Variants in AGBL1 observed in about 807,000 individuals in gnomAD.
AGBL1 encodes AGBL carboxypeptidase 1, also known as cytosolic carboxypeptidase 4.
A neutral mutation model predicts 118.9 loss-of-function variants in AGBL1; 130 were observed. The ratio of observed to expected loss-of-function variants is 1.09; its 90% CI spans 0.95 to 1.26. The LOEUF is 1.26. AGBL1 is among the 50% of genes most tolerant of loss of function. AGBL1 has a pLI of 0.00. For missense variants in AGBL1, 1,584 were observed against 1,298.1 expected (o/e 1.22, Z -3.38); for synonymous variants, 555 against 478.9 (o/e 1.16, Z -2.08).
At chr15:86,103,621 T>A (rs116942231) in intron 1 of AGBL1, among the ~76,000 whole-genome samples, 1,789 of 152,140 alleles carry the variant, frequency 0.012, 15 homozygotes, top group Middle Eastern at 0.051. Flanking sequence ...CTGTAAACAG[T>A]GTTAGTGGTG....
chr15:86,262,820 C>A lies in AGBL1; in HGVS notation c.1012C>A (p.Pro338Thr). The change falls in exon 10 of 23, where the codon CCT (proline) becomes ACT (threonine). Residue 338 changes from proline to threonine, a missense_variant. By Grantham distance (38) the Pro-to-Thr change is conservative. Coordinates refer to ENST00000614907, the MANE Select transcript of AGBL1 (RefSeq NM_001386094.1). Reference sequence around the variant, plus strand: ...AGACGTGAACAAGCTGAGTTCCAAACCTGGTCTTGACCGACCTGAAGAGGA... The same window carrying A: ...AGACGTGAACAAGCTGAGTTCCAAAACTGGTCTTGACCGACCTGAAGAGGA... ...ETDVNKLSSK[P>T]GLDRPEEELM... is the part of the protein sequence containing the mutation. The A allele has an allele frequency of 1.2e-6, 2 of 1,611,208 alleles. No individual in the cohort carries two copies. Among genetic ancestry groups the A allele is most frequent in the South Asian group, 2.2e-5 (2 of 90,022 alleles).
intron 17 of AGBL1, among the ~76,000 whole-genome samples, chr15:86,373,566 G>A (rs189153345): frequency 6.6e-6 from 1 of 152,328 alleles, no homozygotes; most frequent in East Asian, 1.9e-4. Flanking sequence ...CAGTGGCCAG[G>A]AGTCCAGGGA....
intron 9 of AGBL1, among the ~76,000 whole-genome samples, chr15:86,262,078 C>CTTTTGTTTTTTTTT (rs2078997356): frequency 1.9e-5 from 1 of 52,768 alleles, no homozygotes; most frequent in East Asian, 1.0e-3. Flanking sequence ...GCATAGCTGG[C>CTTTTGTTTTTTTTT]TTTTTTTTTT....
chr15:86,978,659 C>G (rs1355410382), intron 23 of AGBL1, among the ~76,000 whole-genome samples: 4 of 152,126 alleles, frequency 2.6e-5, no homozygotes, highest in Non-Finnish European at 5.9e-5. Flanking sequence ...CTGAAGCCCT[C>G]AGAATCAGAT....
In AGBL1 at chr15:86,724,235, C is replaced by CAAAAAAA. The variant is rs1204898095; in HGVS notation, c.3158+49812_3158+49818dup. Reference sequence around the variant, plus strand: ...TGGATGACAGAGTGAGACTCCATCTCAAAAAAAAAAAAAAAAAAAGAAGGT... The same window carrying CAAAAAAA: ...TGGATGACAGAGTGAGACTCCATCTCAAAAAAAAAAAAAAAAAAAAAAAAAAGAAGGT... On this transcript the variant is annotated intron_variant, in intron 22 of 22. Coordinates refer to ENST00000614907, the MANE Select transcript of AGBL1 (RefSeq NM_001386094.1). Among the ~76,000 whole-genome samples the CAAAAAAA allele has an allele frequency of 1.1e-3, 82 of 73,570 alleles. 2 individuals are homozygous for CAAAAAAA. The highest frequency in any genetic ancestry group is 4.4e-3 in the South Asian group (7 of 1,582). The allele number at this position is 73,570 out of a possible 152,430, so 48.3% of individuals were successfully genotyped here.
chr15:86,345,890 A>G (rs2080528404), intron 17 of AGBL1, among the ~76,000 whole-genome samples: 1 of 152,046 alleles, frequency 6.6e-6, no homozygotes, highest in Non-Finnish European at 1.5e-5. Context: ...GTTATTTACC[A>G]TCCTTACTCC....
chr15:86,796,407 C>T (rs2078571966), intron 22 of AGBL1, among the ~76,000 whole-genome samples: 1 of 152,202 alleles, frequency 6.6e-6, no homozygotes, highest in Non-Finnish European at 1.5e-5. Flanking sequence ...TCAATCTATT[C>T]TTTGGCATCA....
intron 24 of AGBL1, among the ~76,000 whole-genome samples, chr15:86,993,331 A>G (rs2081350790): frequency 6.6e-6 from 1 of 152,200 alleles, no homozygotes. Flanking sequence ...CTTCTATTGA[A>G]TACCAACTAT....
chr15:86,614,147 G>T (rs965693284), intron 21 of AGBL1, among the ~76,000 whole-genome samples: 4 of 152,176 alleles, frequency 2.6e-5, no homozygotes, highest in African/African-American at 9.7e-5. Flanking sequence ...ACTCTGCCAG[G>T]CACTGGGAAT....
At chr15:86,181,351 A>C (rs559906316) in intron 5 of AGBL1, among the ~76,000 whole-genome samples, 1 of 152,216 alleles carries the variant, frequency 6.6e-6, no homozygotes, top group South Asian at 2.1e-4. Flanking sequence ...AAAATTATTG[A>C]TATATGCTGC....
chr15:86,100,352 T>C (rs1896638015), intron 1 of AGBL1, among the ~76,000 whole-genome samples: 1 of 152,170 alleles, frequency 6.6e-6, no homozygotes, highest in Non-Finnish European at 1.5e-5. Flanking sequence ...TAGAATGAAT[T>C]AGGGAGAATT....
At chr15:86,156,890 A>G (rs2077200171) in intron 4 of AGBL1, among the ~76,000 whole-genome samples, 1 of 151,056 alleles carries the variant, frequency 6.6e-6, no homozygotes, top group Non-Finnish European at 1.5e-5. Context: ...CCTGGGTTCA[A>G]ATGATTCTCG....
At chr15:86,286,875 C>A (rs1188161868) in intron 16 of AGBL1, among the ~76,000 whole-genome samples, 1 of 151,414 alleles carries the variant, frequency 6.6e-6, no homozygotes, top group South Asian at 2.1e-4. Context: ...TGGATATATA[C>A]CCAGAAGTGA....
intron 22 of AGBL1, among the ~76,000 whole-genome samples, chr15:86,845,995 T>C (rs2079311985): frequency 6.6e-6 from 1 of 152,218 alleles, no homozygotes; most frequent in Admixed American, 6.5e-5. Flanking sequence ...GACACATGCC[T>C]GAGACTGTCT....
At chr15:86,750,460 A>T (rs1401361894) in intron 22 of AGBL1, among the ~76,000 whole-genome samples, 3 of 151,896 alleles carry the variant, frequency 2.0e-5, no homozygotes, top group Non-Finnish European at 4.4e-5. Context: ...TAGCTGTGTA[A>T]TCTTTTGTCT....
At chr15:86,128,203 G>T (rs370076737) in intron 1 of AGBL1, among the ~76,000 whole-genome samples, 1 of 152,008 alleles carries the variant, frequency 6.6e-6, no homozygotes, top group South Asian at 2.1e-4. Context: ...TGGCTGGGGA[G>T]TCTTCACACT....
At chr15:86,193,933 G>T (rs1263556903) in intron 5 of AGBL1, among the ~76,000 whole-genome samples, 2 of 152,220 alleles carry the variant, frequency 1.3e-5, no homozygotes, top group Admixed American at 1.3e-4. Flanking sequence ...AGGCATAGCA[G>T]AGTATAACCG....
chr15:86,301,362 G>A lies in AGBL1; in HGVS notation c.2374+5954G>A, dbSNP rs140847545. 4.8e-3 allele frequency among the ~76,000 whole-genome samples: 733 copies of A among 151,842 alleles called. 6 individuals are homozygous for A. Among genetic ancestry groups the A allele is most frequent in the African/African-American group, 0.017 (704 of 41,390 alleles). ...GGTTACCTATCTAGTTGGTGGCAGA[G>A]GTAGTTCTAGACCTCAGCCTCTTGT... On this transcript the variant is annotated intron_variant, in intron 17 of 22. Coordinates refer to ENST00000614907, the MANE Select transcript of AGBL1 (RefSeq NM_001386094.1).
intron 5 of AGBL1, among the ~76,000 whole-genome samples, chr15:86,160,112 T>C (rs1175362440): frequency 1.3e-5 from 2 of 151,282 alleles, no homozygotes; most frequent in South Asian, 2.1e-4. Flanking sequence ...TTTTTTTTTT[T>C]TTTTTTTTGA....
Sources: allele counts gnomAD v4.1 joint callset (sites outside exome capture counted in the v4.1 genomes callset), GRCh38; gene constraint gnomAD v4.1.1; transcripts MANE v1.5; gene names NCBI Gene and HGNC (gene_info 2026-07-23, HGNC 2026-07-21).